The following C12orf56 variants were observed in gnomAD, a reference collection of about 807,000 sequenced individuals.
C12orf56 encodes the protein uncharacterized protein C12orf56.
In C12orf56, 71 loss-of-function variants were observed where a neutral mutation model predicts 69.9. The ratio of observed to expected loss-of-function variants is 1.02; its 90% CI spans 0.84 to 1.24. The LOEUF (loss-of-function observed/expected upper bound fraction) is 1.24. Ranked by LOEUF, C12orf56 falls within the 50% of genes most tolerant of loss-of-function variation. The pLI is 0.00. For synonymous variants in C12orf56, 276 were observed against 274.1 expected (o/e 1.01, Z -0.07); for missense variants, 732 against 738.5 (o/e 0.99, Z 0.10).
intron 4 of C12orf56, 73 bp from the exon 5 acceptor site, chr12:64,312,825 T>C: frequency 1.8e-6 from 2 of 1,095,234 alleles, no homozygotes; most frequent in Admixed American, 2.1e-5. Flanking sequence ...CTTTAGTCAA[T>C]GTTATGTATC....
At chr12:64,296,229 T>C (rs181853803) in intron 6 of C12orf56, among the ~76,000 whole-genome samples, 23 of 152,240 alleles carry the variant, frequency 1.5e-4, no homozygotes, top group Non-Finnish European at 2.5e-4. Flanking sequence ...ATTGCAATAA[T>C]TGGAGGATTA....
At chr12:64,382,959 G>C (rs1031726121) in intron 1 of C12orf56, among the ~76,000 whole-genome samples, 1 of 151,672 alleles carries the variant, frequency 6.6e-6, no homozygotes, top group African/African-American at 2.4e-5. Context: ...AGCAATCCTT[G>C]TTCATTCCTG....
intron 2 of C12orf56, among the ~76,000 whole-genome samples, chr12:64,337,280 C>T (rs1461286972): frequency 6.6e-6 from 1 of 152,132 alleles, no homozygotes; most frequent in Non-Finnish European, 1.5e-5. Context: ...GGGAGTACTA[C>T]AATTCAATTC....
intron 5 of C12orf56, among the ~76,000 whole-genome samples, chr12:64,309,547 GT>G (rs2038578403): frequency 1.3e-5 from 2 of 152,140 alleles, no homozygotes; most frequent in Non-Finnish European, 2.9e-5. Flanking sequence ...GTCTCACTCT[GT>G]TGCCCAGGCT....
chr12:64,366,028 AATAT>A (rs2039470769), intron 1 of C12orf56, among the ~76,000 whole-genome samples: 1 of 120,668 alleles, frequency 8.3e-6, no homozygotes, highest in Non-Finnish European at 1.6e-5. Context: ...TAGCTTGTAT[AATAT>A]ATAGTTTATA....
intron 5 of C12orf56, among the ~76,000 whole-genome samples, chr12:64,308,889 G>GAAGAAAGGAAGAAAGA (rs1555188182): frequency 2.9e-5 from 2 of 69,248 alleles, no homozygotes; most frequent in African/African-American, 1.4e-4. Context: ...AAACAGAAAG[G>GAAGAAAGGAAGAAAGA]AAGAAAGAAA....
At chr12:64,269,832 G>A (rs2037958466) in intron 12 of C12orf56, among the ~76,000 whole-genome samples, 1 of 151,718 alleles carries the variant, frequency 6.6e-6, no homozygotes, top group African/African-American at 2.4e-5. Flanking sequence ...CAAGTAATCT[G>A]CCCGGCTCAG....
intron 2 of C12orf56, among the ~76,000 whole-genome samples, chr12:64,351,683 G>T (rs2039223785): frequency 6.6e-6 from 1 of 152,024 alleles, no homozygotes; most frequent in African/African-American, 2.4e-5. Context: ...CTGAGACTCA[G>T]GGATACTAGG....
At chr12:64,350,340 A>C (rs960618732) in intron 2 of C12orf56, among the ~76,000 whole-genome samples, 13 of 152,158 alleles carry the variant, frequency 8.5e-5, no homozygotes, top group African/African-American at 3.1e-4. Flanking sequence ...AATAAAGAAA[A>C]ATGAAATTCA....
intron 1 of C12orf56, among the ~76,000 whole-genome samples, chr12:64,377,139 G>T (rs999677153): frequency 6.7e-6 from 1 of 149,910 alleles, no homozygotes; most frequent in Non-Finnish European, 1.5e-5. Context: ...TCACATATTT[G>T]TTGGCCACAT....
chr12:64,282,342 C>A (rs768245729), intron 8 of C12orf56, among the ~76,000 whole-genome samples: 1 of 152,254 alleles, frequency 6.6e-6, no homozygotes, highest in African/African-American at 2.4e-5. Context: ...TGTGTCCATT[C>A]GTTCATGTAC....
At position 64,265,125 on chromosome 12, in the gene C12orf56, G is replaced by T. The variant is rs147237511; in HGVS notation, c.*2058C>A. On this transcript the variant is annotated 3_prime_UTR_variant, in exon 13 of 13. Transcript: ENST00000543942. ...TTGATCCTCTCGTTGTCATCCTGCG[G>T]GTTCATCAGTACATTCTTTGTCCGG... 1.5e-4 allele frequency: 23 copies of T among 152,324 alleles called. No individual in the cohort carries two copies. Among genetic ancestry groups the T allele is most frequent in the African/African-American group, 5.1e-4 (21 of 41,542 alleles). 9.4% of individuals were successfully genotyped at this position (152,324 alleles called of 1,614,324 possible).
At chr12:64,301,623 A>G (rs1195112002) in intron 6 of C12orf56, among the ~76,000 whole-genome samples, 1 of 152,218 alleles carries the variant, frequency 6.6e-6, no homozygotes, top group South Asian at 2.1e-4. Flanking sequence ...ATGCATTTAC[A>G]TGTAGACATA....
rs904083286 is a variant in C12orf56, at chr12:64,390,697, C to T, written c.-132G>A. On this transcript the variant is annotated 5_prime_UTR_variant, in exon 1 of 13. Coordinates refer to ENST00000543942, the MANE Select transcript of C12orf56 (RefSeq NM_001170633.2). ...TCGCCTCCTCTCCAGGCGCGGGGAC[C>T]CGGGCCGCAACTGCAGGAATCGACG... is the stretch of plus-strand genomic sequence containing the variant. The T allele has an allele frequency of 7.7e-7, 1 of 1,292,330 alleles. No individual in the cohort carries two copies. Among genetic ancestry groups the T allele is most frequent in the African/African-American group, 1.6e-5 (1 of 63,390 alleles). The allele number at this position is 1,292,330 out of a possible 1,614,324, so 80.1% of individuals were successfully genotyped here. A position where few individuals can be genotyped will look rare whatever the true frequency, so the allele number is the denominator to read the frequency against.
chr12:64,357,186 GT>G (rs1260684643), intron 1 of C12orf56, among the ~76,000 whole-genome samples: 3 of 151,512 alleles, frequency 2.0e-5, no homozygotes, highest in African/African-American at 7.3e-5. Context: ...ATTTACTACT[GT>G]TTCACGGGAA....
At position 64,277,178 on chromosome 12, in the gene C12orf56, G is replaced by A. The variant is rs561303963; in HGVS notation, c.1434+502C>T. ...TTCTCTCAGAAGGTATGCCTTCTAG[G>A]CAGTTTGATATTTCTAATGTCTTGG... On this transcript the variant is annotated intron_variant, in intron 9 of 12. Coordinates refer to ENST00000543942, the MANE Select transcript of C12orf56 (RefSeq NM_001170633.2). 9.9e-5 allele frequency among the ~76,000 whole-genome samples: 15 copies of A among 151,994 alleles called. No individual in the cohort carries two copies. The South Asian group carries it at 2.9e-3, about 29-fold the overall frequency.
In C12orf56 at chr12:64,266,999, T is replaced by G. The variant is rs2136735918; in HGVS notation, c.*184A>C. The G allele has an allele frequency of 5.8e-6, 3 of 520,790 alleles. No homozygotes were observed. The highest frequency in any genetic ancestry group is 7.7e-5 in the Admixed American group (2 of 25,948). 32.3% of individuals were successfully genotyped at this position (520,790 alleles called of 1,614,324 possible). A position where few individuals can be genotyped will look rare whatever the true frequency, so the allele number is the denominator to read the frequency against. On this transcript the variant is annotated 3_prime_UTR_variant, in exon 13 of 13. Transcript: ENST00000543942. ...TTTGCACACTTATAATAAATCAAAT[T>G]TATTTTTTAAAATTTTAAACTTCTC...
At position 64,325,877 on chromosome 12, in the gene C12orf56, G is replaced by T. The variant is rs7296723; in HGVS notation, c.488+5083C>A. On this transcript the variant is annotated intron_variant, in intron 3 of 12. Transcript: ENST00000543942. The stretch of plus-strand genomic sequence containing the variant: ...AATGAATTCCCTAATCTCCCCTATT[G>T]CTGCCCCAAAGATCTTTTTTATAGA... 7.5e-3 allele frequency among the ~76,000 whole-genome samples: 1,136 copies of T among 152,142 alleles called. 22 individuals carry two copies. Among genetic ancestry groups the T allele is most frequent in the African/African-American group, 0.026 (1,092 of 41,508 alleles).
intron 3 of C12orf56, among the ~76,000 whole-genome samples, chr12:64,322,200 A>G (rs1414317986): frequency 6.6e-6 from 1 of 151,730 alleles, no homozygotes; most frequent in South Asian, 2.1e-4. Flanking sequence ...AGACATGAAT[A>G]CTAGATCTTT....
Sources: allele counts gnomAD v4.1 joint callset (sites outside exome capture counted in the v4.1 genomes callset), GRCh38; gene constraint gnomAD v4.1.1; transcripts MANE v1.5; gene names NCBI Gene and HGNC (gene_info 2026-07-23, HGNC 2026-07-21).